Variants in PTGER3 observed in about 807,000 individuals in gnomAD.
PTGER3 encodes prostaglandin E receptor 3.
In PTGER3, 22 loss-of-function variants were observed where a neutral mutation model predicts 34.7. The observed-to-expected ratio is 0.63, with a 90% CI of 0.45 to 0.91. PTGER3 has a LOEUF of 0.91. Ranked by LOEUF, PTGER3 falls within the 40% of genes least tolerant of loss-of-function variation. PTGER3 has a pLI of 0.00. For synonymous variants in PTGER3, 241 were observed against 230.1 expected, an observed-to-expected ratio of 1.05 and a Z score of -0.43; for missense variants, 468 against 519.4, an observed-to-expected ratio of 0.90 and a Z score of 0.96.
At chr1:70,992,805 A>G (rs1655594848) in intron 2 of PTGER3, among the ~76,000 whole-genome samples, 1 of 152,224 alleles carries the variant, frequency 6.6e-6, no homozygotes, top group Admixed American at 6.5e-5. Flanking sequence ...CCCTCTGAGA[A>G]GCAGAGATGA....
rs1653041124 is a variant in PTGER3, at chr1:70,971,181, C to T, written c.*549G>A. On this transcript the variant is annotated 3_prime_UTR_variant, in exon 4 of 4. Coordinates refer to ENST00000306666, the MANE Select transcript of PTGER3 (RefSeq NM_198719.2). ...CTAAGCCCACAGGGACACAACATCT[C>T]TAAAACATTAATCATAATTGGGCAC... The T allele has an allele frequency of 1.0e-6, 1 of 985,316 alleles. No homozygotes were observed. The highest frequency in any genetic ancestry group is 4.7e-5 in the South Asian group (1 of 21,294). The allele number at this position is 985,316 out of a possible 1,614,324, so 61.0% of individuals were successfully genotyped here. A position where few individuals can be genotyped will look rare whatever the true frequency, so the allele number is the denominator to read the frequency against.
intron 1 of PTGER3, among the ~76,000 whole-genome samples, chr1:71,043,366 A>G (rs1660476248): frequency 6.6e-6 from 1 of 152,214 alleles, no homozygotes; most frequent in African/African-American, 2.4e-5. Context: ...GAGAAAAAGA[A>G]AAAGGAAACA....
chr1:70,936,350 G>T (rs955802407), intron 4 of PTGER3, among the ~76,000 whole-genome samples: 1 of 152,200 alleles, frequency 6.6e-6, no homozygotes, highest in African/African-American at 2.4e-5. Flanking sequence ...GTAGAGGCTG[G>T]TGTGAGAGTA....
intron 4 of PTGER3, among the ~76,000 whole-genome samples, chr1:70,936,212 G>A (rs1649211699): frequency 6.6e-6 from 1 of 152,078 alleles, no homozygotes; most frequent in African/African-American, 2.4e-5. Flanking sequence ...CTTGGGCTCT[G>A]GGCTAGGATG....
intron 4 of PTGER3, among the ~76,000 whole-genome samples, chr1:70,856,363 C>T (rs905750543): frequency 8.7e-5 from 13 of 150,174 alleles, no homozygotes; most frequent in East Asian, 5.9e-4. Flanking sequence ...TCATTTGAGC[C>T]GCTGAGGTGG....
At chr1:70,908,427 CCTT>C (rs1184537895) in intron 4 of PTGER3, among the ~76,000 whole-genome samples, 3 of 152,164 alleles carry the variant, frequency 2.0e-5, no homozygotes, top group African/African-American at 7.2e-5. Context: ...TACCTCAGCT[CCTT>C]CTCCCCTGGA....
chr1:70,963,357 G>A (rs1280114729), intron 2 of PTGER3, among the ~76,000 whole-genome samples: 1 of 152,140 alleles, frequency 6.6e-6, no homozygotes, highest in Non-Finnish European at 1.5e-5. Flanking sequence ...GTCTCAGTGG[G>A]GACTCTGCAT....
intron 1 of PTGER3, among the ~76,000 whole-genome samples, chr1:71,044,395 C>T (rs1660573991): frequency 6.7e-6 from 1 of 148,786 alleles, no homozygotes; most frequent in South Asian, 2.1e-4. Context: ...TGAGATCTCA[C>T]CACTGCACTC....
At chr1:71,020,663 A>G (rs150069185) in intron 1 of PTGER3, among the ~76,000 whole-genome samples, 1 of 151,190 alleles carries the variant, frequency 6.6e-6, no homozygotes, top group East Asian at 1.9e-4. Context: ...AGAACAAGGG[A>G]CTAGATTCAT....
downstream of PTGER3, among the ~76,000 whole-genome samples, chr1:70,949,626 A>G (rs1455159390): frequency 6.6e-6 from 1 of 152,210 alleles, no homozygotes; most frequent in Non-Finnish European, 1.5e-5. Flanking sequence ...AACATCAAGG[A>G]CATTTTTACT....
At chr1:70,868,607 G>A (rs1646096400) in intron 4 of PTGER3, among the ~76,000 whole-genome samples, 1 of 152,152 alleles carries the variant, frequency 6.6e-6, no homozygotes, top group Non-Finnish European at 1.5e-5. Flanking sequence ...TCTCCAGAGA[G>A]GCAGGACTGT....
chr1:71,042,182 T>C (rs1349729669), intron 1 of PTGER3, among the ~76,000 whole-genome samples: 1 of 151,610 alleles, frequency 6.6e-6, no homozygotes, highest in Non-Finnish European at 1.5e-5. Context: ...AGTCCTCATC[T>C]TGTCATTCAG....
intron 4 of PTGER3, among the ~76,000 whole-genome samples, chr1:70,874,508 T>C (rs1646232280): frequency 6.6e-6 from 1 of 152,238 alleles, no homozygotes; most frequent in Admixed American, 6.5e-5. Flanking sequence ...TCATTGGTTT[T>C]CAGTGTTAGG....
chr1:70,931,673 C>A (rs1648711812), intron 4 of PTGER3, among the ~76,000 whole-genome samples: 1 of 152,306 alleles, frequency 6.6e-6, no homozygotes, highest in Admixed American at 6.5e-5. Flanking sequence ...TGTATGTTGG[C>A]CCCTTTTAGC....
At chr1:70,921,580 C>T (rs1460219694) in intron 4 of PTGER3, among the ~76,000 whole-genome samples, 1 of 151,902 alleles carries the variant, frequency 6.6e-6, no homozygotes, top group Non-Finnish European at 1.5e-5. Context: ...CTTAGGACAC[C>T]CCTAAACCTG....
At chr1:70,980,954 C>G (rs762055793) in intron 2 of PTGER3, among the ~76,000 whole-genome samples, 3 of 152,018 alleles carry the variant, frequency 2.0e-5, no homozygotes, top group Non-Finnish European at 4.4e-5. Context: ...GAACAGTGAC[C>G]TTATAAGAGA....
chr1:70,928,268 C>G (rs1030394107), intron 4 of PTGER3, among the ~76,000 whole-genome samples: 1 of 149,780 alleles, frequency 6.7e-6, no homozygotes, highest in African/African-American at 2.5e-5. Flanking sequence ...TATAGAAATT[C>G]CAAATTATAA....
At chr1:71,019,731 C>T (rs1569593) in intron 1 of PTGER3, among the ~76,000 whole-genome samples, 39,588 of 152,034 alleles carry the variant, frequency 0.26, 5,479 homozygotes, top group African/African-American at 0.34. Flanking sequence ...TAGTACTTCA[C>T]TTCTTAATTT....
intron 4 of PTGER3, among the ~76,000 whole-genome samples, chr1:70,942,992 C>T (rs749879602): frequency 2.0e-5 from 3 of 152,168 alleles, no homozygotes; most frequent in South Asian, 2.1e-4. Context: ...TATTTTGTTA[C>T]GGCAGCCCTA....
Sources: allele counts gnomAD v4.1 joint callset (sites outside exome capture counted in the v4.1 genomes callset), GRCh38; gene constraint gnomAD v4.1.1; transcripts MANE v1.5; gene names NCBI Gene and HGNC (gene_info 2026-07-23, HGNC 2026-07-21).